The following SHQ1 variants were observed in gnomAD, a reference collection of about 807,000 sequenced individuals.
SHQ1 encodes protein SHQ1 homolog.
A neutral mutation model predicts 53.8 loss-of-function variants in SHQ1; 49 were observed. That is an observed-to-expected ratio of 0.91 (90% CI 0.72 to 1.16). The LOEUF (loss-of-function observed/expected upper bound fraction) is 1.16, where lower values mean the gene tolerates loss of function less well. Among genes scored for constraint, SHQ1 ranks in the 50% most tolerant of loss-of-function variants. SHQ1 has a pLI of 0.00. For missense variants in SHQ1, 738 were observed against 683.1 expected, an observed-to-expected ratio of 1.08 and a Z score of -0.90; for synonymous variants, 243 against 251.0, an observed-to-expected ratio of 0.97 and a Z score of 0.30.
At chr3:72,747,616 C>T (rs2106692200), downstream of SHQ1, among the ~76,000 whole-genome samples, 1 of 152,256 alleles carries the variant, frequency 6.6e-6, no homozygotes, top group South Asian at 2.1e-4. Context: ...GCACAGAGCT[C>T]CAGAGAGGAG....
In SHQ1 at chr3:72,749,616, C is replaced by T. The variant is rs918281985; in HGVS notation, c.*668G>A. ...TGGTGATAGTTTTACGCAGGGTATA[C>T]ATACGCCAACACATTGTACACTTTT... On this transcript the variant is annotated 3_prime_UTR_variant, in exon 11 of 11. Coordinates refer to ENST00000325599, the MANE Select transcript of SHQ1 (RefSeq NM_018130.3). The T allele has an allele frequency of 6.8e-5, 15 of 219,412 alleles. No homozygotes were observed. Among genetic ancestry groups the T allele is most frequent in the Non-Finnish European group, 1.3e-4 (14 of 109,448 alleles). The allele number at this position is 219,412 out of a possible 1,614,324, so 13.6% of individuals were successfully genotyped here.
At chr3:72,752,636 C>T (rs1028267029) in intron 10 of SHQ1, among the ~76,000 whole-genome samples, 1 of 152,022 alleles carries the variant, frequency 6.6e-6, no homozygotes, top group Non-Finnish European at 1.5e-5. Flanking sequence ...AAGTGATTCT[C>T]CTGCCTCAGC....
chr3:72,726,723 T>C, the SHQ1 span, among the ~76,000 whole-genome samples: 1 of 152,186 alleles, frequency 6.6e-6, no homozygotes, highest in Non-Finnish European at 1.5e-5. Context: ...GAAGCTCATC[T>C]GATGAGGACC....
At chr3:72,784,852 T>G (rs774119158) in intron 10 of SHQ1, among the ~76,000 whole-genome samples, 3 of 152,108 alleles carry the variant, frequency 2.0e-5, no homozygotes, top group Non-Finnish European at 4.4e-5. Context: ...TGGGGGGTGG[T>G]AGGTGTCATG....
chr3:72,844,001 T>C (rs1708254772), intron 2 of SHQ1, among the ~76,000 whole-genome samples: 1 of 152,232 alleles, frequency 6.6e-6, no homozygotes, highest in Non-Finnish European at 1.5e-5. Context: ...AGTTTGAAAA[T>C]TATACCAGAA....
chr3:72,759,622 C>T (rs749234365), intron 10 of SHQ1, among the ~76,000 whole-genome samples: 3 of 152,018 alleles, frequency 2.0e-5, no homozygotes, highest in African/African-American at 4.8e-5. Flanking sequence ...ACCTGGGAGG[C>T]GGAGGTTGTA....
intron 4 of SHQ1, among the ~76,000 whole-genome samples, chr3:72,834,889 T>C (rs997394631): frequency 6.6e-6 from 1 of 152,146 alleles, no homozygotes; most frequent in Non-Finnish European, 1.5e-5. Flanking sequence ...TCCTGTGCTA[T>C]AACAAATTTG....
At chr3:72,760,638 T>A (rs1705588266) in intron 10 of SHQ1, among the ~76,000 whole-genome samples, 1 of 152,250 alleles carries the variant, frequency 6.6e-6, no homozygotes. Flanking sequence ...CTCTCTCATC[T>A]GCTCTCTTTC....
At chr3:72,805,387 TA>T (rs1706909206) in intron 9 of SHQ1, among the ~76,000 whole-genome samples, 1 of 152,166 alleles carries the variant, frequency 6.6e-6, no homozygotes, top group Admixed American at 6.6e-5. Context: ...TAGGGTCAAA[TA>T]GAAGGTTTTC....
intron 10 of SHQ1, among the ~76,000 whole-genome samples, chr3:72,779,627 C>G (rs1706032851): frequency 6.6e-6 from 1 of 152,168 alleles, no homozygotes; most frequent in Admixed American, 6.5e-5. Flanking sequence ...AACTCATAAA[C>G]TATTTGTTGA....
At chr3:72,841,544 A>C (rs1708179318) in intron 3 of SHQ1, among the ~76,000 whole-genome samples, 1 of 152,178 alleles carries the variant, frequency 6.6e-6, no homozygotes, top group Admixed American at 6.5e-5. Flanking sequence ...AACAGAGGAT[A>C]GTGGTTACCC....
intron 2 of SHQ1, among the ~76,000 whole-genome samples, chr3:72,842,750 AG>A (rs1270674268): frequency 6.6e-6 from 1 of 152,212 alleles, no homozygotes; most frequent in East Asian, 1.9e-4. Context: ...GTTCTTAACA[AG>A]GGTTTTTCAG....
chr3:72,836,484 G>A (rs1365495176), intron 4 of SHQ1, among the ~76,000 whole-genome samples: 6 of 151,150 alleles, frequency 4.0e-5, no homozygotes, highest in African/African-American at 1.5e-4. Flanking sequence ...GCAAGACTCC[G>A]TCTCAAAAAA....
At chr3:72,739,428 C>T in the SHQ1 span, among the ~76,000 whole-genome samples, 1 of 152,208 alleles carries the variant, frequency 6.6e-6, no homozygotes, top group Non-Finnish European at 1.5e-5. Flanking sequence ...ACTCAGGCCA[C>T]CTCACCAGGC....
chr3:72,737,910 T>C, the SHQ1 span, among the ~76,000 whole-genome samples: 2 of 152,352 alleles, frequency 1.3e-5, no homozygotes, highest in East Asian at 3.9e-4. Context: ...TCAATTACTA[T>C]GGATAGTGAA....
intron 6 of SHQ1, among the ~76,000 whole-genome samples, chr3:72,820,098 AAAGT>A (rs1444070662): frequency 7.2e-5 from 11 of 152,306 alleles, no homozygotes; most frequent in East Asian, 1.9e-4. Context: ...TCTCAATCAC[AAAGT>A]AAGCATGCCC....
chr3:72,785,151 G>A (rs549558901), intron 10 of SHQ1, among the ~76,000 whole-genome samples: 1 of 152,204 alleles, frequency 6.6e-6, no homozygotes, highest in South Asian at 2.1e-4. Flanking sequence ...AGAGAAGAGT[G>A]GCAGTGCCTT....
chr3:72,835,788 T>C (rs1445869674), intron 4 of SHQ1, among the ~76,000 whole-genome samples: 1 of 152,202 alleles, frequency 6.6e-6, no homozygotes, highest in African/African-American at 2.4e-5. Flanking sequence ...ACGCTTACAG[T>C]ACCCTTCTCA....
intron 9 of SHQ1, among the ~76,000 whole-genome samples, chr3:72,811,608 T>C (rs1707125786): frequency 6.6e-6 from 1 of 152,238 alleles, no homozygotes; most frequent in South Asian, 2.1e-4. Context: ...CATCTAACCA[T>C]GATTCATTTT....
Sources: gnomAD v4.1 joint callset for allele counts (sites outside exome capture counted in the v4.1 genomes callset) on GRCh38, gnomAD v4.1.1 for gene constraint, MANE v1.5 for transcripts, NCBI Gene and HGNC (gene_info 2026-07-23, HGNC 2026-07-21) for gene names.